ATP8A1: variants seen among roughly 807,000 people sequenced by gnomAD.
The protein encoded by ATP8A1 is ATPase phospholipid transporting 8A1, also known as phospholipid-transporting ATPase IA.
ATP8A1 carries 90 observed loss-of-function variants against 177.7 expected under a neutral mutation model. The ratio of observed to expected loss-of-function variants is 0.51; its 90% CI spans 0.43 to 0.60. ATP8A1 has a LOEUF of 0.60. ATP8A1 is among the 20% of genes least tolerant of loss of function. The pLI is 0.00. For synonymous variants in ATP8A1, 493 were observed against 485.9 expected, an observed-to-expected ratio of 1.01 and a Z score of -0.19; for missense variants, 1,072 against 1,392.8, an observed-to-expected ratio of 0.77 and a Z score of 3.67.
At chr4:42,558,215 TA>T (rs1730448613) in intron 15 of ATP8A1, among the ~76,000 whole-genome samples, 1 of 152,202 alleles carries the variant, frequency 6.6e-6, no homozygotes, top group South Asian at 2.1e-4. Flanking sequence ...TGCAAGCTCA[TA>T]TCAGTTAAAA....
intron 15 of ATP8A1, among the ~76,000 whole-genome samples, chr4:42,563,425 A>T (rs970363650): frequency 1.3e-5 from 2 of 152,228 alleles, no homozygotes; most frequent in Admixed American, 1.3e-4. Context: ...GAGCATAAAC[A>T]TTTGGAAAAT....
chr4:42,567,032 G>A lies in ATP8A1; in HGVS notation c.1340+2129C>T, dbSNP rs184424609. 3.9e-5 allele frequency among the ~76,000 whole-genome samples: 6 copies of A among 152,320 alleles called. No individual in the cohort carries two copies. The East Asian group carries it at 1.2e-3, about 29-fold the overall frequency. On this transcript the variant is annotated intron_variant, in intron 15 of 36. Coordinates refer to ENST00000381668, the MANE Select transcript of ATP8A1 (RefSeq NM_006095.2). Reference sequence around the variant, plus strand: ...TATTATTATCTACATTCTTCCAGATGAGGACATTCAGGCAAAGAGTTGAGT... The same window carrying A: ...TATTATTATCTACATTCTTCCAGATAAGGACATTCAGGCAAAGAGTTGAGT...
chr4:42,490,292 A>G (rs565157919), intron 24 of ATP8A1, among the ~76,000 whole-genome samples: 1 of 152,238 alleles, frequency 6.6e-6, no homozygotes, highest in African/African-American at 2.4e-5. Context: ...CACCCAACAC[A>G]ACCTCTAGGT....
At chr4:42,624,003 T>C (rs1388455504) in intron 4 of ATP8A1, among the ~76,000 whole-genome samples, 8 of 152,150 alleles carry the variant, frequency 5.3e-5, no homozygotes, top group Admixed American at 5.2e-4. Flanking sequence ...TTGGTAGAGT[T>C]AGTTTTATAA....
intron 15 of ATP8A1, among the ~76,000 whole-genome samples, chr4:42,566,598 A>C (rs1162864828): frequency 1.3e-5 from 2 of 152,260 alleles, no homozygotes; most frequent in African/African-American, 4.8e-5. Flanking sequence ...CTTGCCTAAC[A>C]CCACAAGAAA....
At chr4:42,456,774 C>T (rs775368127) in intron 27 of ATP8A1, among the ~76,000 whole-genome samples, 2 of 152,090 alleles carry the variant, frequency 1.3e-5, no homozygotes, top group Non-Finnish European at 1.5e-5. Context: ...TAGAGGAGAG[C>T]GGTCTTGACA....
rs967868601 is a variant in ATP8A1, at chr4:42,596,582, G to A, written c.450+3896C>T. Among the ~76,000 whole-genome samples the A allele has an allele frequency of 1.0e-4, 15 of 147,534 alleles. No homozygotes were observed. In the South Asian group the frequency reaches 1.7e-3, roughly 17 times the overall value. On this transcript the variant is annotated intron_variant, in intron 6 of 36. Transcript: ENST00000381668. The stretch of plus-strand genomic sequence containing the variant: ...CTCAGGAGGCTGAGGCAGGAGAAAC[G>A]TTTGAACCCAGGAGGTGGAGGTTGC...
At chr4:42,479,263 G>A (rs949483056) in intron 25 of ATP8A1, among the ~76,000 whole-genome samples, 4 of 152,174 alleles carry the variant, frequency 2.6e-5, no homozygotes, top group African/African-American at 9.7e-5. Flanking sequence ...AAGCTGCATG[G>A]CCTGCAAAGC....
chr4:42,578,541 A>G (rs1271701762), intron 11 of ATP8A1, among the ~76,000 whole-genome samples, 154 bp from the exon 12 acceptor site: 1 of 152,176 alleles, frequency 6.6e-6, no homozygotes, highest in Non-Finnish European at 1.5e-5. Context: ...TCTCAAGTAC[A>G]TCCTTCAAGA....
intron 24 of ATP8A1, 123 bp downstream of exon 24, chr4:42,503,327 A>T (rs961457505): frequency 1.8e-5 from 10 of 570,056 alleles, no homozygotes; most frequent in Non-Finnish European, 2.4e-5. Flanking sequence ...TTAAAACAGA[A>T]CAACAGTGAT....
intron 33 of ATP8A1, among the ~76,000 whole-genome samples, chr4:42,436,126 C>T (rs538342041): frequency 5.3e-5 from 8 of 152,228 alleles, no homozygotes; most frequent in South Asian, 2.1e-4. Context: ...AAAGCTGTGC[C>T]GTACCAGGAG....
chr4:42,437,730 A>G (rs1008592424), intron 33 of ATP8A1, among the ~76,000 whole-genome samples: 1 of 152,200 alleles, frequency 6.6e-6, no homozygotes, highest in African/African-American at 2.4e-5. Flanking sequence ...TAGTGGAAAC[A>G]AAGTGCAAAA....
intron 20 of ATP8A1, among the ~76,000 whole-genome samples, chr4:42,529,813 G>GGAA (rs912050283): frequency 1.2e-4 from 18 of 152,300 alleles, no homozygotes; most frequent in African/African-American, 4.1e-4. Context: ...AGCACTTCAA[G>GGAA]CAGTGCAGCT....
rs190461805 is a variant in ATP8A1, at chr4:42,565,010, C to T, written c.1340+4151G>A. 9.3e-3 allele frequency among the ~76,000 whole-genome samples: 1,416 copies of T among 152,272 alleles called. 16 individuals carry two copies. Among genetic ancestry groups the T allele is most frequent in the African/African-American group, 0.032 (1,316 of 41,534 alleles). On this transcript the variant is annotated intron_variant, in intron 15 of 36. Coordinates refer to ENST00000381668, the MANE Select transcript of ATP8A1 (RefSeq NM_006095.2). Reference sequence around the variant, plus strand: ...GTTATTATAAGGGGGAGTTTTCCTGCACAAGCTCTCTCTTTGCGTGCTGCC... The same window carrying T: ...GTTATTATAAGGGGGAGTTTTCCTGTACAAGCTCTCTCTTTGCGTGCTGCC...
intron 2 of ATP8A1, 50 bp from the exon 3 acceptor site, chr4:42,625,763 C>A (rs757401390): frequency 6.2e-6 from 7 of 1,134,450 alleles, no homozygotes; most frequent in East Asian, 2.5e-5. Context: ...TAATTAGCAC[C>A]CACACTTACA....
chr4:42,544,507 T>G (rs1484033457), intron 19 of ATP8A1, among the ~76,000 whole-genome samples: 1 of 152,262 alleles, frequency 6.6e-6, no homozygotes, highest in Admixed American at 6.5e-5. Flanking sequence ...ACTGGCATCA[T>G]GCTAAAAACT....
chr4:42,500,554 T>C (rs1333499441), intron 24 of ATP8A1, among the ~76,000 whole-genome samples: 3 of 151,606 alleles, frequency 2.0e-5, no homozygotes, highest in African/African-American at 7.3e-5. Flanking sequence ...TGATTCTTAA[T>C]TACATTTATC....
At chr4:42,492,430 G>A (rs1228807427) in intron 24 of ATP8A1, among the ~76,000 whole-genome samples, 6 of 152,146 alleles carry the variant, frequency 3.9e-5, no homozygotes, top group Non-Finnish European at 8.8e-5. Flanking sequence ...TTTTGATGGC[G>A]TTAAGAGGTA....
chr4:42,589,898 AG>A (rs1388900602), intron 7 of ATP8A1, among the ~76,000 whole-genome samples: 1 of 151,966 alleles, frequency 6.6e-6, no homozygotes, highest in Admixed American at 6.6e-5. Flanking sequence ...TTAAATGGCT[AG>A]GAAGTTAGGA....
Sources: gnomAD v4.1 joint callset for allele counts (sites outside exome capture counted in the v4.1 genomes callset) on GRCh38, gnomAD v4.1.1 for gene constraint, MANE v1.5 for transcripts, NCBI Gene and HGNC (gene_info 2026-07-23, HGNC 2026-07-21) for gene names.